Variants in CUBN observed in about 807,000 individuals in gnomAD.
CUBN encodes the protein 460 kDa receptor.
Under a neutral mutation model 405.3 loss-of-function variants are expected in CUBN, and 282 were observed. The ratio of observed to expected loss-of-function variants is 0.70; its 90% CI spans 0.63 to 0.77. The LOEUF is 0.77. Ranked by LOEUF, CUBN falls within the 30% of genes least tolerant of loss-of-function variation. The pLI is 0.00. For missense variants in CUBN, 4,514 were observed against 4,475.2 expected (o/e 1.01, Z -0.25); for synonymous variants, 1,684 against 1,617.0 (o/e 1.04, Z -0.99).
chr10:17,088,853 T>C (rs146853551), intron 14 of CUBN, among the ~76,000 whole-genome samples: 3 of 152,320 alleles, frequency 2.0e-5, no homozygotes, highest in African/African-American at 7.2e-5. Context: ...TTCAAATGTC[T>C]GTAGTGATCG....
At position 16,874,389 on chromosome 10, in the gene CUBN, T is replaced by C. The variant is rs1239212730; in HGVS notation, c.9221A>G (p.Lys3074Arg). The C allele has an allele frequency of 6.2e-7, 1 of 1,614,036 alleles. No homozygotes were observed. The highest frequency in any genetic ancestry group is 8.5e-7 in the Non-Finnish European group (1 of 1,179,994). Residue 3074 changes from lysine (K) to arginine (R), a missense_variant, in exon 58 of 67, where the codon AAG (lysine) becomes AGG (arginine). By Grantham distance (26) the Lys-to-Arg change is conservative. Transcript: ENST00000377833. ...CLYTITVSDD[K>R]VIELKFSDFD... The stretch of plus-strand genomic sequence containing the variant: ...TCTTACGTACTTGAGCTCGATCACC[T>C]TGTCGTCACTAACGGTGATGGTATA...
intron 59 of CUBN, among the ~76,000 whole-genome samples, chr10:16,857,061 C>T (rs189015820): frequency 1.3e-5 from 2 of 152,270 alleles, no homozygotes; most frequent in East Asian, 1.9e-4. Flanking sequence ...AGGTTTCAGA[C>T]GAACCTGTTT....
At chr10:17,058,841 G>A (rs1254446590) in intron 22 of CUBN, among the ~76,000 whole-genome samples, 2 of 152,074 alleles carry the variant, frequency 1.3e-5, no homozygotes, top group Admixed American at 6.6e-5. Flanking sequence ...GGATATTTAT[G>A]TGTTGGCATG....
intron 28 of CUBN, among the ~76,000 whole-genome samples, chr10:17,009,687 T>C (rs945406286): frequency 6.6e-6 from 1 of 152,202 alleles, no homozygotes; most frequent in Non-Finnish European, 1.5e-5. Flanking sequence ...GCAGACCAAC[T>C]GAATCCTGTC....
chr10:16,847,467 G>A (rs1839550338), intron 60 of CUBN, among the ~76,000 whole-genome samples: 1 of 148,934 alleles, frequency 6.7e-6, no homozygotes, highest in African/African-American at 2.5e-5. Context: ...GGGCAAAACA[G>A]CAAGACTCCA....
In CUBN at chr10:16,890,377, C is replaced by A. The variant is rs142248018; in HGVS notation, c.8749G>T (p.Val2917Phe). 2 of 1,613,026 alleles carry A rather than the reference C, an allele frequency of 1.2e-6. No homozygotes were observed. Among genetic ancestry groups the A allele is most frequent in the East Asian group, 4.5e-5 (2 of 44,864 alleles). The change falls in exon 55 of 67, where the codon GTT becomes TTT. Residue 2917 changes from valine to phenylalanine, a missense_variant. Val to Phe is a conservative substitution (Grantham distance 50). Transcript: ENST00000377833. ...GGTTCTTAGGGCTACTTACGGCTAA[C>A]AAAGGACGCGGAGAAGCCCTGAGCT... ...APAQGFSASF[V>F]SRCGSNFTGP...
chr10:16,877,861 T>C (rs559974075), intron 56 of CUBN, among the ~76,000 whole-genome samples: 21 of 152,344 alleles, frequency 1.4e-4, no homozygotes, highest in Admixed American at 8.5e-4. Context: ...GGTGAACACA[T>C]ACTGTTAAAA....
intron 22 of CUBN, among the ~76,000 whole-genome samples, chr10:17,051,733 G>C (rs1255416038): frequency 6.6e-6 from 1 of 151,664 alleles, no homozygotes; most frequent in African/African-American, 2.4e-5. Context: ...TGTATTAATA[G>C]ACATAATTTA....
chr10:16,972,003 G>A (rs1309831143), intron 31 of CUBN, among the ~76,000 whole-genome samples: 1 of 152,092 alleles, frequency 6.6e-6, no homozygotes, highest in African/African-American at 2.4e-5. Flanking sequence ...ACGGAATCCA[G>A]GGGCTTTGTT....
intron 31 of CUBN, among the ~76,000 whole-genome samples, chr10:16,962,752 T>C (rs999870422): frequency 6.6e-6 from 1 of 151,778 alleles, no homozygotes; most frequent in Non-Finnish European, 1.5e-5. Flanking sequence ...TGGCAGGGAG[T>C]CAAGGGAGGC....
At position 16,826,057 on chromosome 10, in the gene CUBN, G is replaced by A. The variant is rs571848685; in HGVS notation, c.10765-975C>T. On this transcript the variant is annotated intron_variant, in intron 66 of 66. Transcript: ENST00000377833. ...GTATGTCAACAGACGGTCAACAGAA[G>A]TTTTAGAATCTCCTTTGATTCTCCT... Among the ~76,000 whole-genome samples the A allele has an allele frequency of 5.3e-5, 8 of 152,258 alleles. No individual in the cohort carries two copies. In the South Asian group the frequency reaches 1.5e-3, roughly 28 times the overall value.
chr10:17,114,227 G>A (rs1222970969), intron 7 of CUBN, 38 bp from the exon 8 acceptor site: 2 of 1,605,352 alleles, frequency 1.2e-6, no homozygotes, highest in African/African-American at 2.7e-5. Context: ...AGACAATCAT[G>A]AAAATCAGCA....
intron 36 of CUBN, among the ~76,000 whole-genome samples, chr10:16,943,080 C>A (rs1488814978): frequency 6.6e-6 from 1 of 152,198 alleles, no homozygotes; most frequent in Non-Finnish European, 1.5e-5. Flanking sequence ...GCTCTGACCA[C>A]CTCAAGCCCT....
intron 6 of CUBN, among the ~76,000 whole-genome samples, chr10:17,118,935 T>A (rs1218011899): frequency 1.3e-5 from 2 of 152,250 alleles, no homozygotes; most frequent in Non-Finnish European, 2.9e-5. Flanking sequence ...GTCTTTTCTA[T>A]GACCTTTTAT....
At chr10:16,960,895 C>T (rs1014808408) in intron 31 of CUBN, among the ~76,000 whole-genome samples, 2 of 152,140 alleles carry the variant, frequency 1.3e-5, no homozygotes, top group South Asian at 2.1e-4. Context: ...GGGCCCTTCA[C>T]CAACAGGGTG....
At chr10:16,923,515 G>A (rs2131475068) in intron 43 of CUBN, among the ~76,000 whole-genome samples, 1 of 152,280 alleles carries the variant, frequency 6.6e-6, no homozygotes, top group Admixed American at 6.5e-5. Flanking sequence ...TCTTGAGTTG[G>A]TAAGTAGAGA....
rs957796034 is a variant in CUBN at position 16,835,354 on chromosome 10, A to G, written c.10181-159T>C. Among the ~76,000 whole-genome samples the G allele has an allele frequency of 7.0e-4, 106 of 152,366 alleles. 1 individual carries two copies. Among genetic ancestry groups the G allele is most frequent in the African/African-American group, 2.4e-3 (100 of 41,584 alleles). On this transcript the variant is annotated intron_variant, in intron 63 of 66. Coordinates refer to ENST00000377833, the MANE Select transcript of CUBN (RefSeq NM_001081.4). ...CTTTGAGATAATTGAGACCCTGAGC[A>G]GTGAAGTGAATTGCTCAAGCAGCAC...
Position 16,841,056 on chromosome 10 carries a change from A to C in CUBN, c.9664-9T>G, listed in dbSNP as rs145383974. 3.7e-4 allele frequency: 603 copies of C among 1,613,534 alleles called. No individual in the cohort carries two copies. Among genetic ancestry groups the C allele is most frequent in the Non-Finnish European group, 4.8e-4 (561 of 1,179,684 alleles). ...CTATCCCCATCATATAACTGAGAAG[A>C]AAAACAATTCATTACTTCTCCATTA... On this transcript the variant is annotated splice_polypyrimidine_tract_variant and intron_variant, in intron 60 of 66. Coordinates refer to ENST00000377833, the MANE Select transcript of CUBN (RefSeq NM_001081.4).
Position 16,918,796 on chromosome 10 carries a change from T to C in CUBN, c.6826A>G (p.Thr2276Ala), listed in dbSNP as rs775223734. 2.5e-6 allele frequency: 4 copies of C among 1,613,544 alleles called. No homozygotes were observed. The African/African-American group carries it at 5.3e-5, about 22-fold the overall frequency. The change falls in exon 45 of 67, where the codon ACT becomes GCT. Residue 2276 changes from threonine (T) to alanine (A), a missense_variant. Transcript: ENST00000377833. ...TCCCGCAACTCAAGGTAGTTGGAAG[T>C]ACAGCTGAAGTGGGAACAAAATTCT... ...RFDIEVTPNC[T>A]SNYLELRDGV...
Sources: allele counts gnomAD v4.1 joint callset (sites outside exome capture counted in the v4.1 genomes callset), GRCh38; gene constraint gnomAD v4.1.1; transcripts MANE v1.5; gene names NCBI Gene and HGNC (gene_info 2026-07-23, HGNC 2026-07-21).